SOX6: variants seen among roughly 807,000 people sequenced by gnomAD.
SOX6 encodes the protein transcription factor SOX-6.
A neutral mutation model predicts 97.8 loss-of-function variants in SOX6; 11 were observed. The ratio of observed to expected loss-of-function variants is 0.11; its 90% confidence interval spans 0.07 to 0.19. The LOEUF (loss-of-function observed/expected upper bound fraction) is 0.19, where lower values mean the gene tolerates loss of function less well. Among genes scored for constraint, SOX6 ranks in the 10% least tolerant of loss-of-function variants. The pLI is 1.00. For missense variants in SOX6, 810 were observed against 1,039.5 expected (o/e 0.78, Z 3.04); for synonymous variants, 360 against 371.4 (o/e 0.97, Z 0.35).
rs182782736 is a variant in SOX6 at position 16,499,616 on chromosome 11, G to A, written n.610-23228C>T. Among the ~76,000 whole-genome samples the A allele has an allele frequency of 2.6e-3, 403 of 152,190 alleles. 3 individuals carry two copies. Among genetic ancestry groups the A allele is most frequent in the African/African-American group, 7.8e-3 (325 of 41,520 alleles). On this transcript the variant is annotated intron_variant and non_coding_transcript_variant, in intron 4 of 5. Coordinates refer to the SOX6 transcript ENST00000524520. Reference sequence around the variant, plus strand: ...GAATCAAATAGACGCAATAAAAAACGATAAAAGGAATATCACCACCGATCC... The same window carrying A: ...GAATCAAATAGACGCAATAAAAAACAATAAAAGGAATATCACCACCGATCC...
chr11:15,993,663 G>T (rs936824471), intron 13 of SOX6, among the ~76,000 whole-genome samples: 2 of 152,084 alleles, frequency 1.3e-5, no homozygotes, highest in African/African-American at 4.8e-5. Flanking sequence ...GGCTCAAATT[G>T]GTTAATTCAT....
chr11:16,673,814 T>C (rs190443161), intron 3 of SOX6, among the ~76,000 whole-genome samples: 17 of 152,214 alleles, frequency 1.1e-4, no homozygotes, highest in African/African-American at 4.1e-4. Flanking sequence ...AAAATAAAAC[T>C]ACAGTCCAAG....
intron 2 of SOX6, among the ~76,000 whole-genome samples, chr11:16,324,338 G>T (rs1426760333): frequency 6.6e-6 from 1 of 152,106 alleles, no homozygotes; most frequent in African/African-American, 2.4e-5. Flanking sequence ...ATACAACACA[G>T]CCATTAAAAA....
intron 6 of SOX6, among the ~76,000 whole-genome samples, chr11:16,128,777 T>C (rs191184221): frequency 1.3e-4 from 20 of 152,314 alleles, no homozygotes; most frequent in African/African-American, 4.3e-4. Context: ...GACTTGCCGA[T>C]GGTGACATAA....
At chr11:16,402,148 T>C (rs894347572) in intron 1 of SOX6, among the ~76,000 whole-genome samples, 2 of 151,672 alleles carry the variant, frequency 1.3e-5, no homozygotes, top group Non-Finnish European at 3.0e-5. Flanking sequence ...AAACACTGTA[T>C]TCACTCTTTT....
chr11:16,279,685 G>A (rs1430148749), intron 3 of SOX6, among the ~76,000 whole-genome samples: 1 of 151,974 alleles, frequency 6.6e-6, no homozygotes, highest in Non-Finnish European at 1.5e-5. Flanking sequence ...AGGTAAATAT[G>A]CTGAAAGTTA....
intron 6 of SOX6, among the ~76,000 whole-genome samples, chr11:16,143,071 G>A (rs1189039497): frequency 6.6e-6 from 1 of 152,138 alleles, no homozygotes; most frequent in Non-Finnish European, 1.5e-5. Flanking sequence ...AAGTTAAAAT[G>A]AAGGAAAAAA....
chr11:16,658,733 T>A (rs1590042105), intron 3 of SOX6, among the ~76,000 whole-genome samples: 1 of 151,960 alleles, frequency 6.6e-6, no homozygotes, highest in East Asian at 1.9e-4. Context: ...TTCTCCTGAG[T>A]TTGGCTTGAC....
chr11:16,405,624 A>G (rs1343770924), intron 1 of SOX6, among the ~76,000 whole-genome samples: 2 of 152,084 alleles, frequency 1.3e-5, no homozygotes, highest in African/African-American at 4.8e-5. Flanking sequence ...CTGAAGTTAG[A>G]AAAGGCAACA....
intron 15 of SOX6, among the ~76,000 whole-genome samples, chr11:15,984,403 G>T (rs1459946899): frequency 6.6e-6 from 1 of 152,104 alleles, no homozygotes; most frequent in East Asian, 1.9e-4. Context: ...ACATACACAG[G>T]GAACATGACT....
intron 3 of SOX6, among the ~76,000 whole-genome samples, chr11:16,664,509 C>T (rs1220445709): frequency 6.6e-6 from 1 of 152,134 alleles, no homozygotes; most frequent in Non-Finnish European, 1.5e-5. Context: ...CCAGAACTAG[C>T]CAGAAGAGAA....
At chr11:16,344,836 AT>A (rs1389735280) in intron 1 of SOX6, among the ~76,000 whole-genome samples, 1 of 151,952 alleles carries the variant, frequency 6.6e-6, no homozygotes, top group African/African-American at 2.4e-5. Context: ...TTAAAAAAAA[AT>A]CTCCCTAGTT....
intron 3 of SOX6, among the ~76,000 whole-genome samples, chr11:16,636,308 C>A (rs1264001181): frequency 2.6e-5 from 4 of 152,136 alleles, no homozygotes; most frequent in Admixed American, 2.0e-4. Flanking sequence ...CATTTTGGAG[C>A]TTTAAGATTT....
intron 9 of SOX6, among the ~76,000 whole-genome samples, chr11:16,074,833 T>C (rs1052502629): frequency 1.3e-5 from 2 of 152,184 alleles, no homozygotes; most frequent in Non-Finnish European, 2.9e-5. Context: ...CCTATCAAAC[T>C]ATCAATGACA....
chr11:16,022,373 T>TCCTTCCTTCCTGCCTC (rs1485049397), intron 12 of SOX6, among the ~76,000 whole-genome samples: 1 of 132,558 alleles, frequency 7.5e-6, no homozygotes, highest in South Asian at 2.5e-4. Context: ...CTTCCTTCCT[T>TCCTTCCTTCCTGCCTC]CCTCCCTCCC....
intron 4 of SOX6, among the ~76,000 whole-genome samples, chr11:16,611,323 C>T (rs1207847218): frequency 1.3e-5 from 2 of 152,190 alleles, no homozygotes; most frequent in African/African-American, 4.8e-5. Context: ...TTACACCATC[C>T]GGGCGGACAA....
At chr11:16,558,674 A>G (rs1447194972) in intron 4 of SOX6, among the ~76,000 whole-genome samples, 1 of 152,010 alleles carries the variant, frequency 6.6e-6, no homozygotes, top group Non-Finnish European at 1.5e-5. Context: ...TCATTTTTCA[A>G]CTATGATTAG....
At chr11:16,375,454 C>T (rs537754095) in intron 1 of SOX6, among the ~76,000 whole-genome samples, 12 of 151,476 alleles carry the variant, frequency 7.9e-5, no homozygotes, top group Admixed American at 2.0e-4. Flanking sequence ...AACTCCAAAA[C>T]ACCAATCCAG....
intron 4 of SOX6, among the ~76,000 whole-genome samples, chr11:16,543,863 C>T (rs1440700338): frequency 1.3e-5 from 2 of 152,048 alleles, no homozygotes; most frequent in East Asian, 3.9e-4. Flanking sequence ...ACCATGTGAC[C>T]CAGCAATTAT....
Sources: allele counts gnomAD v4.1 joint callset (sites outside exome capture counted in the v4.1 genomes callset), GRCh38; gene constraint gnomAD v4.1.1; transcripts MANE v1.5; gene names NCBI Gene and HGNC (gene_info 2026-07-23, HGNC 2026-07-21).